The following XRN1 variants were observed in gnomAD, a reference collection of about 807,000 sequenced individuals.
XRN1 encodes the protein 5'-3' exoribonuclease 1, also known as strand-exchange protein 1 homolog.
XRN1 carries 67 observed loss-of-function variants against 222.3 expected under a neutral mutation model. The ratio of observed to expected loss-of-function variants is 0.30; its 90% CI spans 0.25 to 0.37. XRN1 has a LOEUF of 0.37. Among genes scored for constraint, XRN1 ranks in the 10% least tolerant of loss-of-function variants. The pLI is 1.00. For synonymous variants in XRN1, 643 were observed against 652.4 expected (o/e 0.99, Z 0.22); for missense variants, 1,707 against 2,000.2 (o/e 0.85, Z 2.80).
At chr3:142,403,287 CAAT>C (rs1553737471) in intron 18 of XRN1, among the ~76,000 whole-genome samples, 1 of 152,078 alleles carries the variant, frequency 6.6e-6, no homozygotes, top group Non-Finnish European at 1.5e-5. Context: ...AGGTTAAAAA[CAAT>C]AATATATGAC....
At position 142,370,558 on chromosome 3, in the gene XRN1, C is replaced by G. The variant is rs138044873; in HGVS notation, c.3131G>C (p.Arg1044Pro). ...CAGAATTTGTAAATCACAAGAAGAA[C>G]GAGATAAAGTACTGACAGGATGTCC... Reference protein sequence around the residue: ...LKGHPVSTLSRSSCDLQILDA... With the variant: ...LKGHPVSTLSPSSCDLQILDA... The change falls in exon 27 of 41, where the codon CGT becomes CCT. Residue 1044 changes from arginine to proline, a missense_variant. Transcript: ENST00000392981. 1 of 1,607,242 alleles carries G rather than the reference C, an allele frequency of 6.2e-7. No homozygotes were observed. Among genetic ancestry groups the G allele is most frequent in the South Asian group, 1.1e-5 (1 of 89,402 alleles).
In XRN1 at chr3:142,318,772, G is replaced by A; in HGVS notation, c.4518+18C>T. The A allele has an allele frequency of 1.2e-6, 2 of 1,612,574 alleles. No homozygotes were observed. Among genetic ancestry groups the A allele is most frequent in the Admixed American group, 3.3e-5 (2 of 59,980 alleles). ...GACTAATAAAAATTTTAATAGAGAA[G>A]TCATGGACAGTTCTTACCAACTGTT... On this transcript the variant is annotated intron_variant, in intron 38 of 40. Transcript: ENST00000392981.
intron 39 of XRN1, among the ~76,000 whole-genome samples, chr3:142,315,313 G>T (rs911966960): frequency 1.3e-5 from 2 of 151,892 alleles, no homozygotes; most frequent in East Asian, 1.9e-4. Flanking sequence ...TTTTGTTTTG[G>T]TTTGGTTTGG....
At chr3:142,314,556 T>C (rs1161225935) in intron 39 of XRN1, among the ~76,000 whole-genome samples, 1 of 152,118 alleles carries the variant, frequency 6.6e-6, no homozygotes, top group Non-Finnish European at 1.5e-5. Context: ...GGTGATACTA[T>C]TACATTGAGC....
chr3:142,317,724 C>T (rs2065247909), intron 39 of XRN1, among the ~76,000 whole-genome samples: 1 of 152,170 alleles, frequency 6.6e-6, no homozygotes, highest in South Asian at 2.1e-4. Flanking sequence ...CACATGCCTC[C>T]TCTTTATCTT....
chr3:142,355,206 C>A (rs1267650804), intron 32 of XRN1, 195 bp downstream of exon 32: 2 of 312,604 alleles, frequency 6.4e-6, no homozygotes, highest in African/African-American at 4.4e-5. Context: ...TGTAACAAAC[C>A]TGTACATGTA....
At chr3:142,427,907 T>C (rs1479032042) in intron 2 of XRN1, among the ~76,000 whole-genome samples, 2 of 152,260 alleles carry the variant, frequency 1.3e-5, no homozygotes, top group Non-Finnish European at 1.5e-5. Flanking sequence ...TCTATTTCTG[T>C]GATGAACAAA....
chr3:142,438,508 G>C (rs1331057183), intron 1 of XRN1, among the ~76,000 whole-genome samples: 1 of 152,158 alleles, frequency 6.6e-6, no homozygotes, highest in Non-Finnish European at 1.5e-5. Flanking sequence ...GGACGCTCTA[G>C]GACTAATGCT....
intron 37 of XRN1, among the ~76,000 whole-genome samples, chr3:142,319,465 C>T (rs906864967): frequency 3.3e-5 from 5 of 152,056 alleles, no homozygotes; most frequent in African/African-American, 1.2e-4. Flanking sequence ...TAAATTATAA[C>T]TATATTATAC....
chr3:142,414,266 A>G lies in XRN1; in HGVS notation c.1462T>C (p.Phe488Leu). 1.2e-6 allele frequency: 2 copies of G among 1,611,992 alleles called. No individual in the cohort carries two copies. The highest frequency in any genetic ancestry group is 1.7e-6 in the Non-Finnish European group (2 of 1,179,032). ...CTGATGTTGTGTATATCAGACAGGAAAGGTGCATAATGATAAGGATAATAC... is the reference window on the plus strand; with the variant it reads ...CTGATGTTGTGTATATCAGACAGGAGAGGTGCATAATGATAAGGATAATAC... The part of the protein sequence containing the change: ...SWYYPYHYAP[F>L]LSDIHNISTL... The change falls in exon 14 of 41, where the codon TTC becomes CTC. Residue 488 changes from phenylalanine to leucine, a missense_variant. Around this residue, in one of 2 missense-constraint regions of XRN1, gnomAD observed 1,234 missense variants for 1,518.2 expected, o/e 0.81. Coordinates refer to ENST00000392981, the MANE Select transcript of XRN1 (RefSeq NM_001282857.2).
intron 21 of XRN1, among the ~76,000 whole-genome samples, chr3:142,383,669 G>A (rs560555807): frequency 6.6e-6 from 1 of 152,244 alleles, no homozygotes; most frequent in African/African-American, 2.4e-5. Flanking sequence ...CTTTACAGAT[G>A]ACAAAACTGG....
At position 142,344,820 on chromosome 3, in the gene XRN1, C is replaced by T. The variant is rs1577257656; in HGVS notation, c.3877+2414G>A. On this transcript the variant is annotated intron_variant, in intron 33 of 40. Coordinates refer to ENST00000392981, the MANE Select transcript of XRN1 (RefSeq NM_001282857.2). Reference sequence around the variant, plus strand: ...ACTTAATACTGTTAAGATGACAATACTACCCAAAGTAACCTACAGATTCAA... The same window carrying T: ...ACTTAATACTGTTAAGATGACAATATTACCCAAAGTAACCTACAGATTCAA... Among the ~76,000 whole-genome samples, 4 of 152,294 alleles carry T rather than the reference C, an allele frequency of 2.6e-5. No homozygotes were observed. In the East Asian group the frequency reaches 7.7e-4, roughly 29 times the overall value.
intron 21 of XRN1, among the ~76,000 whole-genome samples, chr3:142,384,003 G>C (rs1473952626): frequency 6.6e-6 from 1 of 151,792 alleles, no homozygotes; most frequent in African/African-American, 2.4e-5. Context: ...GGGCGCAGTG[G>C]CTCACGCCTG....
At chr3:142,386,793 C>T (rs2067519325) in intron 20 of XRN1, among the ~76,000 whole-genome samples, 1 of 152,068 alleles carries the variant, frequency 6.6e-6, no homozygotes, top group African/African-American at 2.4e-5. Context: ...AAATGAGATA[C>T]TACTACTATA....
chr3:142,396,397 T>C (rs374287937), intron 20 of XRN1, among the ~76,000 whole-genome samples: 2 of 152,250 alleles, frequency 1.3e-5, no homozygotes, highest in East Asian at 3.8e-4. Flanking sequence ...GTGCATACTA[T>C]CTAAAGAAAG....
chr3:142,344,374 A>G (rs2066081229), intron 33 of XRN1, among the ~76,000 whole-genome samples: 1 of 152,168 alleles, frequency 6.6e-6, no homozygotes, highest in African/African-American at 2.4e-5. Context: ...ATCCACAAAA[A>G]TTAAAAATAA....
At chr3:142,322,604 T>C (rs1047152397) in intron 37 of XRN1, among the ~76,000 whole-genome samples, 6 of 152,120 alleles carry the variant, frequency 3.9e-5, no homozygotes, top group African/African-American at 1.4e-4. Context: ...CGCTTGAACC[T>C]GGCAGGTGGA....
At chr3:142,427,763 C>T (rs149833937) in intron 2 of XRN1, among the ~76,000 whole-genome samples, 1 of 152,214 alleles carries the variant, frequency 6.6e-6, no homozygotes, top group Non-Finnish European at 1.5e-5. Flanking sequence ...GGGTGTCCTA[C>T]TACCTGCCTG....
Position 142,329,673 on chromosome 3 carries a change from C to G in XRN1, c.4223-58G>C, listed in dbSNP as rs16852278. The G allele has an allele frequency of 2.9e-4, 421 of 1,475,630 alleles. 4 individuals carry two copies. The African/African-American group carries it at 5.5e-3, about 19-fold the overall frequency. 91.4% of individuals were successfully genotyped at this position (1,475,630 alleles called of 1,614,324 possible). A position where few individuals can be genotyped will look rare whatever the true frequency, so the allele number is the denominator to read the frequency against. ...TAATAAAATACTATCTCAAATTATG[C>G]ACTTATTGTAGGGTTTTATAGAAGA... On this transcript the variant is annotated intron_variant, in intron 36 of 40. Coordinates refer to ENST00000392981, the MANE Select transcript of XRN1 (RefSeq NM_001282857.2).
Sources: gnomAD v4.1 joint callset for allele counts (sites outside exome capture counted in the v4.1 genomes callset) on GRCh38, gnomAD v4.1.1 for gene constraint, gnomAD v4.1.1 regional missense constraint, MANE v1.5 for transcripts, NCBI Gene and HGNC (gene_info 2026-07-23, HGNC 2026-07-21) for gene names.